ALPK1: variants seen among roughly 807,000 people sequenced by gnomAD.
The protein encoded by ALPK1 is alpha kinase 1.
In ALPK1, 110 loss-of-function variants were observed where a neutral mutation model predicts 120.6. The observed-to-expected ratio is 0.91, with a 90% confidence interval of 0.78 to 1.07. The LOEUF is 1.07. Ranked by LOEUF, ALPK1 falls within the 50% of genes least tolerant of loss-of-function variation. The probability of loss-of-function intolerance (pLI) is 0.00; values close to 1 mark genes in which losing one functional copy is unlikely to be tolerated. For synonymous variants in ALPK1, 582 were observed against 560.3 expected (o/e 1.04, Z -0.55); for missense variants, 1,498 against 1,483.9 (o/e 1.01, Z -0.16).
In ALPK1 at chr4:112,432,124, C is replaced by T; in HGVS notation, c.2577C>T (p.Asp859=). The T allele has an allele frequency of 6.2e-7, 1 of 1,614,214 alleles. No individual in the cohort carries two copies. The part of the protein sequence containing the change: ...STVDEEGQLL[D]SMDVPCTNGH... ...TGGATGAGGAGGGGCAACTGCTCGA[C>T]AGCATGGATGTTCCCTGCACAAATG... The change falls in exon 11 of 16, where the codon GAC becomes GAT. Residue 859 remains aspartate (D), a synonymous_variant. Transcript: ENST00000650871.
At chr4:112,373,327 T>C (rs1209500673) in intron 2 of ALPK1, among the ~76,000 whole-genome samples, 1 of 152,190 alleles carries the variant, frequency 6.6e-6, no homozygotes, top group Non-Finnish European at 1.5e-5. Context: ...GCAATAGCAG[T>C]ATGAGGATAA....
chr4:112,405,509 C>T (rs761432721), intron 4 of ALPK1, among the ~76,000 whole-genome samples: 3 of 152,144 alleles, frequency 2.0e-5, no homozygotes, highest in Middle Eastern at 3.4e-3. Context: ...ATGAAGGAAG[C>T]GGGGCCCCTA....
At chr4:112,302,649 T>C (rs1727839354) in intron 1 of ALPK1, among the ~76,000 whole-genome samples, 1 of 152,170 alleles carries the variant, frequency 6.6e-6, no homozygotes, top group Non-Finnish European at 1.5e-5. Context: ...GTCCCCTTCC[T>C]TTTTCCTCTT....
At chr4:112,316,954 T>C (rs1728662571) in intron 2 of ALPK1, among the ~76,000 whole-genome samples, 1 of 152,236 alleles carries the variant, frequency 6.6e-6, no homozygotes, top group East Asian at 1.9e-4. Flanking sequence ...ATCATTATGC[T>C]GATAAGCACT....
chr4:112,305,160 G>A (rs1387415245), intron 1 of ALPK1, among the ~76,000 whole-genome samples: 3 of 152,178 alleles, frequency 2.0e-5, no homozygotes, highest in Admixed American at 6.5e-5. Context: ...TAGCCTTGTA[G>A]TATAGTTTGA....
At chr4:112,420,655 A>T (rs62314678) in intron 5 of ALPK1, among the ~76,000 whole-genome samples, 147 of 152,312 alleles carry the variant, frequency 9.7e-4, no homozygotes, top group Non-Finnish European at 1.6e-3. Context: ...GTCACGGTTC[A>T]TATTAATCTA....
intron 1 of ALPK1, among the ~76,000 whole-genome samples, chr4:112,311,278 T>A (rs545426176): frequency 6.6e-6 from 1 of 152,306 alleles, no homozygotes; most frequent in African/African-American, 2.4e-5. Flanking sequence ...TAATGATAGT[T>A]AATAACAATA....
Position 112,426,477 on chromosome 4 carries a change from C to G in ALPK1, c.633C>G (p.Tyr211Ter). The change falls in exon 8 of 16, where the codon TAC (tyrosine) becomes TAG (stop). Residue 211 changes from tyrosine (Y) to a stop codon, truncating the protein, a stop_gained. Coordinates refer to ENST00000650871, the MANE Select transcript of ALPK1 (RefSeq NM_025144.4). LOFTEE classifies it high-confidence loss of function. The stretch of plus-strand genomic sequence containing the variant: ...TCTTTTTTTTTTCAGGGATGTGGTA[C>G]GAAGCAGCAGAGTTAATATGGGCCT... Reference protein sequence around the residue: ...GQILQKLGMWYEAAELIWASI... With the variant: ...GQILQKLGMW 6.2e-7 allele frequency: 1 copy of G among 1,604,170 alleles called. No homozygotes were observed. The highest frequency in any genetic ancestry group is 8.5e-7 in the Non-Finnish European group (1 of 1,175,804).
intron 2 of ALPK1, chr4:112,358,495 G>C: frequency 1.5e-6 from 1 of 674,962 alleles, no homozygotes; most frequent in South Asian, 1.7e-5. Flanking sequence ...TGAAGCAGAG[G>C]CCCTCAGGGT....
At chr4:112,392,794 G>A (rs772782694) in intron 4 of ALPK1, among the ~76,000 whole-genome samples, 1 of 152,200 alleles carries the variant, frequency 6.6e-6, no homozygotes, top group Non-Finnish European at 1.5e-5. Flanking sequence ...GCCTCCCAAA[G>A]TGCTGGGATT....
chr4:112,431,796 T>C lies in ALPK1; in HGVS notation c.2249T>C (p.Phe750Ser). 6.2e-7 allele frequency: 1 copy of C among 1,614,150 alleles called. No homozygotes were observed. The highest frequency in any genetic ancestry group is 8.5e-7 in the Non-Finnish European group (1 of 1,180,030). The change falls in exon 11 of 16, where the codon TTT (phenylalanine) becomes TCT (serine). Residue 750 changes from phenylalanine to serine, a missense_variant. Physicochemically the swap from Phe to Ser is radical, Grantham distance 155 (BLOSUM62 -2). Coordinates refer to ENST00000650871, the MANE Select transcript of ALPK1 (RefSeq NM_025144.4). The stretch of plus-strand genomic sequence containing the variant: ...GAAGCCTTTGAAATAATTGTTGAGT[T>C]TCCAGAAACCAACTGCGATGTCAAA... Reference protein sequence around the residue: ...KEEAFEIIVEFPETNCDVKDR... With the variant: ...KEEAFEIIVESPETNCDVKDR...
chr4:112,367,546 G>T (rs996445138), intron 2 of ALPK1, among the ~76,000 whole-genome samples: 15 of 151,950 alleles, frequency 9.9e-5, no homozygotes, highest in African/African-American at 3.6e-4. Context: ...AAAATATAGG[G>T]GCAAATGTGC....
intron 8 of ALPK1, 138 bp downstream of exon 8, chr4:112,426,681 GTA>G (rs754387806): frequency 1.6e-6 from 1 of 635,894 alleles, no homozygotes; most frequent in Non-Finnish European, 2.5e-6. Context: ...ATAGGGCCAG[GTA>G]CAGTTAGTAG....
intron 2 of ALPK1, chr4:112,359,822 G>A (rs1730836072): frequency 5.2e-6 from 2 of 385,202 alleles, no homozygotes; most frequent in Non-Finnish European, 1.0e-5. Context: ...CCCAGTGGGT[G>A]CCCATGGAGG....
chr4:112,353,682 A>G (rs1197319151), intron 2 of ALPK1, among the ~76,000 whole-genome samples: 1 of 152,184 alleles, frequency 6.6e-6, no homozygotes, highest in African/African-American at 2.4e-5. Context: ...AGCCCAGCCA[A>G]CATGGCAAAA....
chr4:112,305,548 G>C (rs1364729445), intron 1 of ALPK1, among the ~76,000 whole-genome samples: 2 of 151,408 alleles, frequency 1.3e-5, no homozygotes, highest in East Asian at 3.9e-4. Flanking sequence ...TTGGCTCTCT[G>C]TTTGTCTGTT....
At chr4:112,312,781 G>A (rs1286112103) in intron 1 of ALPK1, among the ~76,000 whole-genome samples, 1 of 152,202 alleles carries the variant, frequency 6.6e-6, no homozygotes, top group African/African-American at 2.4e-5. Context: ...GCAACAGACA[G>A]GTTTCAGAAG....
rs747343393 is a variant in ALPK1 at position 112,412,036 on chromosome 4, TC to T, written c.475+13del. On this transcript the variant is annotated intron_variant, in intron 5 of 15. Transcript: ENST00000650871. ...TCTCCGTGAACTCAGGTATGCTCCC[TC>T]CTGCTGGCCGCCCCCGCGTCCTCAG... 6.8e-6 allele frequency: 11 copies of T among 1,613,460 alleles called. No individual in the cohort carries two copies. Among genetic ancestry groups the T allele is most frequent in the East Asian group, 4.5e-5 (2 of 44,890 alleles).
At chr4:112,321,547 C>G (rs1728867463) in intron 2 of ALPK1, among the ~76,000 whole-genome samples, 1 of 152,182 alleles carries the variant, frequency 6.6e-6, no homozygotes, top group African/African-American at 2.4e-5. Flanking sequence ...GGTTGTGTCA[C>G]TGTTATCATT....
Sources: gnomAD v4.1 joint callset for allele counts (sites outside exome capture counted in the v4.1 genomes callset) on GRCh38, gnomAD v4.1.1 for gene constraint, MANE v1.5 for transcripts, NCBI Gene and HGNC (gene_info 2026-07-23, HGNC 2026-07-21) for gene names.